TDRD5: variants seen among roughly 807,000 people sequenced by gnomAD.
TDRD5 encodes the protein tudor domain containing 5, also known as tudor domain-containing protein 5.
In TDRD5, 41 loss-of-function variants were observed where a neutral mutation model predicts 120.6. The observed-to-expected ratio is 0.34, with a 90% CI of 0.26 to 0.44. The LOEUF is 0.44. Among genes scored for constraint, TDRD5 ranks in the 20% least tolerant of loss-of-function variants. TDRD5 has a pLI of 1.00. For missense variants in TDRD5, 1,006 were observed against 1,221.2 expected (o/e 0.82, Z 2.63); for synonymous variants, 430 against 433.7 (o/e 0.99, Z 0.11).
intron 17 of TDRD5, among the ~76,000 whole-genome samples, chr1:179,677,842 G>A (rs1481916851): frequency 6.6e-6 from 1 of 152,112 alleles, no homozygotes; most frequent in Non-Finnish European, 1.5e-5. Flanking sequence ...CTCCAGCCAG[G>A]AGGTGGTGCT....
chr1:179,612,542 G>A (rs1008829818), intron 4 of TDRD5, among the ~76,000 whole-genome samples: 4 of 152,206 alleles, frequency 2.6e-5, no homozygotes, highest in East Asian at 1.9e-4. Context: ...CACAGATTAC[G>A]TTGCTTTCTA....
chr1:179,608,905 A>G (rs1448281683), intron 4 of TDRD5, among the ~76,000 whole-genome samples: 1 of 152,098 alleles, frequency 6.6e-6, no homozygotes, highest in Non-Finnish European at 1.5e-5. Flanking sequence ...TTTAAGCTGT[A>G]TTAGAGTGGG....
chr1:179,690,109 G>A (rs1681051347), intron 17 of TDRD5, among the ~76,000 whole-genome samples: 1 of 152,202 alleles, frequency 6.6e-6, no homozygotes, highest in African/African-American at 2.4e-5. Flanking sequence ...CAGCACCTCA[G>A]TTGGAAATGC....
intron 4 of TDRD5, among the ~76,000 whole-genome samples, chr1:179,613,199 T>A (rs2101951060): frequency 6.6e-6 from 1 of 152,268 alleles, no homozygotes; most frequent in East Asian, 1.9e-4. Context: ...AACATTTTAT[T>A]TCACCTGATA....
intron 13 of TDRD5, among the ~76,000 whole-genome samples, chr1:179,652,526 ACTC>A (rs1348939327): frequency 6.6e-6 from 1 of 151,692 alleles, no homozygotes; most frequent in East Asian, 1.9e-4. Flanking sequence ...ACTTTCAGCA[ACTC>A]CTCCCTTCCC....
At chr1:179,606,383 T>A (rs72706715) in intron 4 of TDRD5, among the ~76,000 whole-genome samples, 14,573 of 151,960 alleles carry the variant, frequency 0.096, 798 homozygotes, top group African/African-American at 0.13. Flanking sequence ...TTTTCTTCTA[T>A]TCTGTGGCTT....
At chr1:179,644,061 G>GA (rs1678207248) in intron 11 of TDRD5, among the ~76,000 whole-genome samples, 1 of 151,214 alleles carries the variant, frequency 6.6e-6, no homozygotes, top group East Asian at 1.9e-4. Context: ...TCTATATCTA[G>GA]TGAAAATATC....
At chr1:179,678,954 A>G (rs953800926) in intron 17 of TDRD5, among the ~76,000 whole-genome samples, 1 of 138,304 alleles carries the variant, frequency 7.2e-6, no homozygotes. Context: ...ATCTTATAGG[A>G]AGCATTTTAT....
At chr1:179,618,447 A>G (rs1200053869) in intron 4 of TDRD5, 152 bp from the exon 5 acceptor site, 2 of 474,670 alleles carry the variant, frequency 4.2e-6, no homozygotes, top group Non-Finnish European at 7.5e-6. Flanking sequence ...ATGGTATGAA[A>G]TGCTACAGTT....
intron 17 of TDRD5, among the ~76,000 whole-genome samples, chr1:179,688,428 G>T (rs1680878318): frequency 6.6e-6 from 1 of 152,184 alleles, no homozygotes; most frequent in South Asian, 2.1e-4. Context: ...TTAGTCTGAT[G>T]GCCTTCCCTT....
intron 17 of TDRD5, among the ~76,000 whole-genome samples, chr1:179,674,570 G>C (rs1454620237): frequency 6.6e-6 from 1 of 152,142 alleles, no homozygotes; most frequent in African/African-American, 2.4e-5. Context: ...GAATGATTTA[G>C]AGAGGATTTC....
chr1:179,611,214 C>T (rs1217758695), intron 4 of TDRD5, among the ~76,000 whole-genome samples: 2 of 151,912 alleles, frequency 1.3e-5, no homozygotes, highest in Non-Finnish European at 2.9e-5. Flanking sequence ...CCATACTTGG[C>T]TAATTTTGGT....
At chr1:179,628,305 ATTTCT>A (rs201909440) in intron 6 of TDRD5, among the ~76,000 whole-genome samples, 3,780 of 108,012 alleles carry the variant, frequency 0.035, 365 homozygotes, top group Non-Finnish European at 0.041. Context: ...CAATTTATTT[ATTTCT>A]TTTCTTTTCT....
chr1:179,631,564 C>T (rs1178621267), intron 7 of TDRD5, among the ~76,000 whole-genome samples: 1 of 152,104 alleles, frequency 6.6e-6, no homozygotes, highest in Non-Finnish European at 1.5e-5. Flanking sequence ...CGTTGGGACC[C>T]AGCACTTGTA....
At chr1:179,624,973 G>A (rs1418634045) in intron 6 of TDRD5, among the ~76,000 whole-genome samples, 1 of 151,944 alleles carries the variant, frequency 6.6e-6, no homozygotes, top group Non-Finnish European at 1.5e-5. Context: ...ATTCAAAAGG[G>A]ATAAGACAGT....
chr1:179,626,691 C>T (rs1677148828), intron 6 of TDRD5, among the ~76,000 whole-genome samples: 1 of 152,038 alleles, frequency 6.6e-6, no homozygotes, highest in South Asian at 2.1e-4. Flanking sequence ...CATAGCAACT[C>T]TATAGTGGTA....
At chr1:179,625,107 T>C (rs577061312) in intron 6 of TDRD5, among the ~76,000 whole-genome samples, 13 of 140,372 alleles carry the variant, frequency 9.3e-5, no homozygotes, top group Non-Finnish European at 1.7e-4. Flanking sequence ...CTGGAACAAC[T>C]GAATGCAAGA....
chr1:179,608,733 C>CT (rs2101938561), intron 4 of TDRD5, among the ~76,000 whole-genome samples: 1 of 148,366 alleles, frequency 6.7e-6, no homozygotes, highest in East Asian at 2.0e-4. Context: ...TGTGCCATTT[C>CT]TGTTTTTTTT....
chr1:179,648,784 A>G (rs1444975047), intron 11 of TDRD5, among the ~76,000 whole-genome samples: 1 of 110,396 alleles, frequency 9.1e-6, no homozygotes, highest in Non-Finnish European at 2.4e-5. Flanking sequence ...ATACTAAAAA[A>G]CAATAAAAAA....
Sources: gnomAD v4.1 joint callset for allele counts (sites outside exome capture counted in the v4.1 genomes callset) on GRCh38, gnomAD v4.1.1 for gene constraint, MANE v1.5 for transcripts, NCBI Gene and HGNC (gene_info 2026-07-23, HGNC 2026-07-21) for gene names.